The following LHFPL3 variants were observed in gnomAD, a reference collection of about 807,000 sequenced individuals.
The protein encoded by LHFPL3 is LHFPL tetraspan subfamily member 3.
In LHFPL3, 5 loss-of-function variants were observed where a neutral mutation model predicts 19.3. The observed-to-expected ratio is 0.26, with a 90% CI of 0.14 to 0.54. The LOEUF (loss-of-function observed/expected upper bound fraction) is 0.54, where lower values mean the gene tolerates loss of function less well. Among genes scored for constraint, LHFPL3 ranks in the 20% least tolerant of loss-of-function variants. LHFPL3 has a pLI of 0.94. For synonymous variants in LHFPL3, 133 were observed against 126.2 expected (o/e 1.05, Z -0.36); for missense variants, 249 against 307.4 (o/e 0.81, Z 1.42).
At chr7:104,818,042 G>A (rs770342981) in intron 2 of LHFPL3, among the ~76,000 whole-genome samples, 6 of 152,078 alleles carry the variant, frequency 3.9e-5, no homozygotes, top group Admixed American at 6.6e-5. Flanking sequence ...GAACATTTCC[G>A]TCACACAAAG....
intron 1 of LHFPL3, among the ~76,000 whole-genome samples, chr7:104,716,031 T>C (rs934028479): frequency 2.6e-5 from 4 of 152,094 alleles, no homozygotes; most frequent in Admixed American, 6.5e-5. Flanking sequence ...CTGGAGCAAT[T>C]AGGCAGGAGA....
intron 1 of LHFPL3, among the ~76,000 whole-genome samples, chr7:104,335,867 A>AG (rs1036379455): frequency 6.6e-6 from 1 of 151,664 alleles, no homozygotes; most frequent in Non-Finnish European, 1.5e-5. Flanking sequence ...AAAAAAAAAA[A>AG]AAAAGAAACA....
At chr7:104,741,458 T>C (rs1307403285) in intron 2 of LHFPL3, among the ~76,000 whole-genome samples, 151 of 82,476 alleles carry the variant, frequency 1.8e-3, no homozygotes, top group Non-Finnish European at 2.9e-3. Flanking sequence ...TATTTCTTTA[T>C]GCCAAAAAAA....
At chr7:104,610,851 A>G (rs746137925) in intron 1 of LHFPL3, among the ~76,000 whole-genome samples, 1 of 152,218 alleles carries the variant, frequency 6.6e-6, no homozygotes, top group Non-Finnish European at 1.5e-5. Flanking sequence ...GTTAGTGCAT[A>G]CAGTTAACTG....
At chr7:104,338,346 G>A (rs1272189144) in intron 1 of LHFPL3, among the ~76,000 whole-genome samples, 3 of 152,092 alleles carry the variant, frequency 2.0e-5, no homozygotes, top group Non-Finnish European at 4.4e-5. Flanking sequence ...TGATCTGCCC[G>A]CCTCGGCCTC....
intron 1 of LHFPL3, among the ~76,000 whole-genome samples, chr7:104,352,802 C>T (rs1298592039): frequency 6.6e-6 from 1 of 152,216 alleles, no homozygotes; most frequent in Non-Finnish European, 1.5e-5. Context: ...ACATCTCCAG[C>T]CAAGGGTTCT....
rs1003093518 is a variant in LHFPL3, at chr7:104,595,479, C to T, written c.446-141196C>T. On this transcript the variant is annotated intron_variant, in intron 1 of 2. Coordinates refer to ENST00000424859, the MANE Select transcript of LHFPL3 (RefSeq NM_199000.3). ...GCCTATATGAGATGTCTGTCGGCCC[C>T]TACTTTGACATGTCTCCCAATTAGG... 3.9e-5 allele frequency among the ~76,000 whole-genome samples: 6 copies of T among 152,338 alleles called. No homozygotes were observed. In the South Asian group the frequency reaches 1.2e-3, roughly 32 times the overall value.
intron 1 of LHFPL3, among the ~76,000 whole-genome samples, chr7:104,521,827 C>A (rs13231868): frequency 0.55 from 83,042 of 151,714 alleles, 22,870 homozygotes; most frequent in Middle Eastern, 0.63. Flanking sequence ...CAAATCAAAA[C>A]CACAATGAGA....
intron 1 of LHFPL3, among the ~76,000 whole-genome samples, chr7:104,629,599 T>C (rs1791605004): frequency 6.6e-6 from 1 of 152,200 alleles, no homozygotes; most frequent in African/African-American, 2.4e-5. Flanking sequence ...GCAGAGCTAA[T>C]GCTACACCAA....
At chr7:104,791,548 G>T (rs957730940) in intron 2 of LHFPL3, among the ~76,000 whole-genome samples, 1 of 152,126 alleles carries the variant, frequency 6.6e-6, no homozygotes, top group African/African-American at 2.4e-5. Flanking sequence ...ATCTTTGGAA[G>T]CAATGGATCT....
rs1007816342 is a variant in LHFPL3, at chr7:104,669,531, T to C, written c.446-67144T>C. The C allele has an allele frequency of 3.7e-6, 6 of 1,611,840 alleles. No individual in the cohort carries two copies. The African/African-American group carries it at 5.3e-5, about 14-fold the overall frequency. ...CTGCAAGCAAGTATGCTGCTCTCTC[T>C]GTTGATGGTGAAGATGAAAATGAGG... On this transcript the variant is annotated intron_variant, in intron 1 of 2. Coordinates refer to ENST00000424859, the MANE Select transcript of LHFPL3 (RefSeq NM_199000.3).
At chr7:104,847,276 T>C (rs1005974797) in intron 2 of LHFPL3, among the ~76,000 whole-genome samples, 4 of 152,178 alleles carry the variant, frequency 2.6e-5, no homozygotes, top group Non-Finnish European at 5.9e-5. Flanking sequence ...TTCTCTCCTT[T>C]TCAGTGTATT....
At position 104,747,691 on chromosome 7, in the gene LHFPL3, C is replaced by A. The variant is rs1459097417; in HGVS notation, c.682+10780C>A. On this transcript the variant is annotated intron_variant, in intron 2 of 2. Coordinates refer to ENST00000424859, the MANE Select transcript of LHFPL3 (RefSeq NM_199000.3). ...CTTTGGCTGTCTCTTGGGATGCATT[C>A]TGAATTAATCCCTTCCTTCACCAGC... is the stretch of plus-strand genomic sequence containing the variant. Among the ~76,000 whole-genome samples, 4 of 152,310 alleles carry A rather than the reference C, an allele frequency of 2.6e-5. No homozygotes were observed. The South Asian group carries it at 8.3e-4, about 32-fold the overall frequency.
intron 1 of LHFPL3, among the ~76,000 whole-genome samples, chr7:104,588,172 T>C (rs1790624656): frequency 6.6e-6 from 1 of 152,210 alleles, no homozygotes; most frequent in Non-Finnish European, 1.5e-5. Context: ...TTTTGTGTTT[T>C]AGACATGAAG....
At chr7:104,409,284 T>C (rs1428237555) in intron 1 of LHFPL3, among the ~76,000 whole-genome samples, 2 of 150,440 alleles carry the variant, frequency 1.3e-5, no homozygotes, top group African/African-American at 4.9e-5. Flanking sequence ...CTTGAATTGC[T>C]AAAAACTTAC....
At chr7:104,389,577 A>C (rs553296668) in intron 1 of LHFPL3, among the ~76,000 whole-genome samples, 28 of 152,144 alleles carry the variant, frequency 1.8e-4, no homozygotes, top group Non-Finnish European at 3.8e-4. Context: ...AAGAAGAAGA[A>C]CAGTTGGGGA....
At chr7:104,736,309 G>T (rs1033764526) in intron 1 of LHFPL3, among the ~76,000 whole-genome samples, 1 of 152,142 alleles carries the variant, frequency 6.6e-6, no homozygotes, top group African/African-American at 2.4e-5. Flanking sequence ...ATTTTGCAGT[G>T]TTATGATTCC....
At chr7:104,561,781 T>C (rs1041326198) in intron 1 of LHFPL3, among the ~76,000 whole-genome samples, 1 of 152,192 alleles carries the variant, frequency 6.6e-6, no homozygotes, top group Admixed American at 6.5e-5. Context: ...CTAGTCTCGA[T>C]TGTCTTTACA....
intron 1 of LHFPL3, among the ~76,000 whole-genome samples, chr7:104,697,169 C>T (rs981787434): frequency 6.6e-6 from 1 of 152,192 alleles, no homozygotes; most frequent in South Asian, 2.1e-4. Flanking sequence ...AGAGACCTAC[C>T]GAAGACCACA....
Sources: allele counts gnomAD v4.1 joint callset (sites outside exome capture counted in the v4.1 genomes callset), GRCh38; gene constraint gnomAD v4.1.1; transcripts MANE v1.5; gene names NCBI Gene and HGNC (gene_info 2026-07-23, HGNC 2026-07-21).